The following PAM variants were observed in gnomAD, a reference collection of about 807,000 sequenced individuals.
PAM encodes the protein peptidyl-glycine alpha-amidating monooxygenase.
A neutral mutation model predicts 122.1 loss-of-function variants in PAM; 72 were observed. The ratio of observed to expected loss-of-function variants is 0.59; its 90% CI spans 0.49 to 0.72. The LOEUF (loss-of-function observed/expected upper bound fraction) is 0.72, where lower values mean the gene tolerates loss of function less well. Ranked by LOEUF, PAM falls within the 30% of genes least tolerant of loss-of-function variation. The pLI is 0.00. For missense variants in PAM, 1,106 were observed against 1,183.7 expected, an observed-to-expected ratio of 0.93 and a Z score of 0.96; for synonymous variants, 389 against 404.4, an observed-to-expected ratio of 0.96 and a Z score of 0.46.
At chr5:102,912,366 A>C (rs1370003234) in intron 4 of PAM, among the ~76,000 whole-genome samples, 1 of 152,040 alleles carries the variant, frequency 6.6e-6, no homozygotes, top group Non-Finnish European at 1.5e-5. Context: ...TAGTATAAAC[A>C]GTTTAATAAA....
intron 1 of PAM, among the ~76,000 whole-genome samples, chr5:102,795,189 CAAAA>C (rs33988105): frequency 8.4e-5 from 5 of 59,684 alleles, no homozygotes; most frequent in East Asian, 6.5e-4. Flanking sequence ...GACAATGTCT[CAAAA>C]AAAAAAAAAA....
At chr5:102,880,916 A>G (rs1790765968) in intron 3 of PAM, among the ~76,000 whole-genome samples, 1 of 152,112 alleles carries the variant, frequency 6.6e-6, no homozygotes, top group Admixed American at 6.6e-5. Flanking sequence ...CATTTCTTAA[A>G]TGCCAAAAAT....
chr5:103,002,427 G>T, intron 16 of PAM, among the ~76,000 whole-genome samples: 2 of 152,060 alleles, frequency 1.3e-5, no homozygotes, highest in Admixed American at 6.6e-5. Context: ...GCTGTTATTT[G>T]GTAAGTTTTA....
intron 3 of PAM, among the ~76,000 whole-genome samples, chr5:102,893,998 A>C (rs528565758): frequency 7.9e-5 from 12 of 151,670 alleles, no homozygotes; most frequent in Non-Finnish European, 1.6e-4. Flanking sequence ...CTGTTTCTCA[A>C]TCTGCCCTAG....
chr5:102,995,911 T>C (rs976059470), intron 16 of PAM, among the ~76,000 whole-genome samples: 2 of 152,068 alleles, frequency 1.3e-5, no homozygotes, highest in African/African-American at 2.4e-5. Context: ...TTTTCTAACA[T>C]TGAGGTTACA....
intron 3 of PAM, among the ~76,000 whole-genome samples, chr5:102,891,550 T>G (rs553371341): frequency 9.1e-4 from 138 of 151,812 alleles, no homozygotes; most frequent in Non-Finnish European, 1.4e-3. Context: ...ACTCCATCAC[T>G]AAACATAAGT....
At chr5:102,800,912 T>C (rs1190886521) in intron 1 of PAM, among the ~76,000 whole-genome samples, 1 of 152,072 alleles carries the variant, frequency 6.6e-6, no homozygotes, top group Non-Finnish European at 1.5e-5. Flanking sequence ...CAATGAAACA[T>C]CAGATTTTAA....
chr5:102,819,940 C>T lies in PAM; in HGVS notation c.-373-45883C>T, dbSNP rs78240189. Among the ~76,000 whole-genome samples the T allele has an allele frequency of 5.8e-3, 886 of 152,210 alleles. 3 individuals carry two copies. The highest frequency in any genetic ancestry group is 0.02 in the African/African-American group (836 of 41,522). On this transcript the variant is annotated intron_variant, in intron 1 of 25. Coordinates refer to ENST00000438793, the MANE Select transcript of PAM (RefSeq NM_001177306.2). ...CTTCAGTCTGCCTAGAGAGGGTGGT[C>T]GCAGTAGAATTTCCCCATCATCGCA...
chr5:102,791,631 T>C (rs1486717808), intron 1 of PAM, among the ~76,000 whole-genome samples: 1 of 152,100 alleles, frequency 6.6e-6, no homozygotes, highest in East Asian at 1.9e-4. Flanking sequence ...TTTTGCCAAG[T>C]GTTACTGAAG....
At chr5:102,879,929 G>A (rs1266083164) in intron 3 of PAM, among the ~76,000 whole-genome samples, 1 of 152,118 alleles carries the variant, frequency 6.6e-6, no homozygotes, top group African/African-American at 2.4e-5. Context: ...ACACTCTGAT[G>A]TTTGCACAAT....
intron 1 of PAM, among the ~76,000 whole-genome samples, chr5:102,817,467 ATTAC>A (rs1272587685): frequency 1.3e-5 from 2 of 152,150 alleles, no homozygotes; most frequent in African/African-American, 2.4e-5. Context: ...TTTTATATTA[ATTAC>A]TTAGTGAAAT....
intron 1 of PAM, among the ~76,000 whole-genome samples, chr5:102,764,473 C>G (rs571814596): frequency 1.3e-5 from 2 of 151,856 alleles, no homozygotes; most frequent in African/African-American, 4.8e-5. Context: ...AGATTCTCTA[C>G]GAAGCAGCGG....
At chr5:102,920,028 A>G (rs2151650023) in intron 5 of PAM, among the ~76,000 whole-genome samples, 1 of 152,250 alleles carries the variant, frequency 6.6e-6, no homozygotes, top group South Asian at 2.1e-4. Context: ...ATTATAATGC[A>G]GCGTTGTATT....
At chr5:102,774,017 C>T (rs560844072) in intron 1 of PAM, among the ~76,000 whole-genome samples, 1 of 152,028 alleles carries the variant, frequency 6.6e-6, no homozygotes, top group African/African-American at 2.4e-5. Context: ...ACCTCCAGCT[C>T]CACCCATGTT....
intron 5 of PAM, among the ~76,000 whole-genome samples, chr5:102,920,652 T>G (rs1401857846): frequency 6.6e-6 from 1 of 152,114 alleles, no homozygotes; most frequent in African/African-American, 2.4e-5. Flanking sequence ...GTAAGGACCA[T>G]CCCCTCATGC....
chr5:102,866,128 C>T lies in PAM; in HGVS notation c.-68C>T. 1.8e-6 allele frequency: 2 copies of T among 1,131,702 alleles called. No homozygotes were observed. The highest frequency in any genetic ancestry group is 2.5e-5 in the East Asian group (1 of 39,686). 70.1% of individuals were successfully genotyped at this position (1,131,702 alleles called of 1,614,324 possible). A position where few individuals can be genotyped will look rare whatever the true frequency, so the allele number is the denominator to read the frequency against. On this transcript the variant is annotated 5_prime_UTR_variant, in exon 2 of 26. Coordinates refer to ENST00000438793, the MANE Select transcript of PAM (RefSeq NM_001177306.2). ...AGCGGCTGCTGGCGGCGCCGCTGCC[C>T]AACCGCCAGCCCCAGCCCCGCGCTG...
intron 14 of PAM, among the ~76,000 whole-genome samples, chr5:102,961,897 G>C (rs1762611599): frequency 6.6e-6 from 1 of 151,890 alleles, no homozygotes; most frequent in Non-Finnish European, 1.5e-5. Flanking sequence ...AGTGCTTTGG[G>C]TTAGGCTTTG....
chr5:102,892,164 C>T (rs1337594640), intron 3 of PAM, among the ~76,000 whole-genome samples: 5 of 151,766 alleles, frequency 3.3e-5, no homozygotes. Flanking sequence ...CTTTCCCTCC[C>T]CTAGCCTTTG....
At chr5:103,021,771 G>A (rs1783622495) in intron 23 of PAM, among the ~76,000 whole-genome samples, 1 of 152,068 alleles carries the variant, frequency 6.6e-6, no homozygotes, top group South Asian at 2.1e-4. Flanking sequence ...TAGATCTTAT[G>A]TTTTATCAAT....
Sources: gnomAD v4.1 joint callset for allele counts (sites outside exome capture counted in the v4.1 genomes callset) on GRCh38, gnomAD v4.1.1 for gene constraint, MANE v1.5 for transcripts, NCBI Gene and HGNC (gene_info 2026-07-23, HGNC 2026-07-21) for gene names.